ZC3H3: variants seen among roughly 807,000 people sequenced by gnomAD.
ZC3H3 encodes zinc finger CCCH-type containing 3, also known as zinc finger CCCH domain-containing protein 3.
Under a neutral mutation model 77.3 loss-of-function variants are expected in ZC3H3, and 36 were observed. The observed-to-expected ratio is 0.47, with a 90% confidence interval of 0.36 to 0.61. ZC3H3 has a LOEUF of 0.61. Among genes scored for constraint, ZC3H3 ranks in the 20% least tolerant of loss-of-function variants. ZC3H3 has a pLI of 0.00. For missense variants in ZC3H3, 1,331 were observed against 1,312.2 expected, an observed-to-expected ratio of 1.01 and a Z score of -0.22; for synonymous variants, 626 against 555.2, an observed-to-expected ratio of 1.13 and a Z score of -1.79.
chr8:143,450,741 A>G (rs537525775), intron 9 of ZC3H3, among the ~76,000 whole-genome samples: 1 of 152,284 alleles, frequency 6.6e-6, no homozygotes, highest in African/African-American at 2.4e-5. Context: ...ATAGCACTGG[A>G]GGATGGTGCT....
intron 4 of ZC3H3, among the ~76,000 whole-genome samples, chr8:143,491,831 G>A (rs968669381): frequency 6.6e-6 from 1 of 152,192 alleles, no homozygotes; most frequent in African/African-American, 2.4e-5. Flanking sequence ...GACTCCCTCA[G>A]TCCTGCAGGC....
chr8:143,439,789 C>T (rs1402465871), intron 11 of ZC3H3, among the ~76,000 whole-genome samples: 1 of 152,234 alleles, frequency 6.6e-6, no homozygotes, highest in African/African-American at 2.4e-5. Flanking sequence ...GCATTTAAAG[C>T]TCCCCTGTGC....
At chr8:143,477,661 TCA>T (rs1820774105) in intron 4 of ZC3H3, among the ~76,000 whole-genome samples, 1 of 152,128 alleles carries the variant, frequency 6.6e-6, no homozygotes, top group Non-Finnish European at 1.5e-5. Flanking sequence ...CCTGGGGGGC[TCA>T]GAGGCAGGTT....
rs754157880 is a variant in ZC3H3, at chr8:143,536,367, C to T, written c.1451G>A (p.Gly484Glu). 1.9e-6 allele frequency: 3 copies of T among 1,597,662 alleles called. No individual in the cohort carries two copies. The highest frequency in any genetic ancestry group is 1.3e-5 in the African/African-American group (1 of 74,702). Residue 484 changes from glycine to glutamate, a missense_variant, in exon 3 of 12, where the codon GGG becomes GAG. By Grantham distance (98) the Gly-to-Glu change is moderately conservative. This residue lies in a region of ZC3H3 where 978 missense variants were observed against 915.5 expected (regional missense o/e 1.07). Transcript: ENST00000262577. ...LSLRRRQALRGKSSPVLKKTP... is the reference protein window; with the variant it reads ...LSLRRRQALREKSSPVLKKTP... ...CTTCTTCAGGACAGGGCTGCTCTTC[C>T]CCCTGAGGGCCTGTCTCCGCCGGAG...
At chr8:143,451,287 A>G (rs369988379) in intron 9 of ZC3H3, among the ~76,000 whole-genome samples, 42 of 152,202 alleles carry the variant, frequency 2.8e-4, no homozygotes, top group African/African-American at 9.9e-4. Flanking sequence ...GCAAGCAACA[A>G]AGAACACTAG....
At chr8:143,452,849 T>C (rs184440721) in intron 9 of ZC3H3, among the ~76,000 whole-genome samples, 1 of 152,198 alleles carries the variant, frequency 6.6e-6, no homozygotes, top group African/African-American at 2.4e-5. Context: ...GACCTAACAT[T>C]CATGTAACTG....
chr8:143,468,130 G>A (rs2129876064), intron 8 of ZC3H3, 79 bp downstream of exon 8: 1 of 1,519,202 alleles, frequency 6.6e-7, no homozygotes, highest in East Asian at 2.3e-5. Flanking sequence ...AAAGCTGTGG[G>A]CACCATCTGC....
rs142508755 is a variant in ZC3H3, at chr8:143,440,157, G to T, written c.2699C>A (p.Ala900Glu). ...APSLQEAALA[A>E]ACSNRLCKLP... ...CTTGCAGAGCCTGTTGGAGCACGCT[G>T]CTGCTAAGGCAGCCTCCTGGAGAGA... Residue 900 changes from alanine (A) to glutamate (E), a missense_variant, in exon 11 of 12, where the codon GCA becomes GAA. This residue lies in a region of ZC3H3 where 249 missense variants were observed against 236.9 expected (regional missense o/e 1.05). Coordinates refer to ENST00000262577, the MANE Select transcript of ZC3H3 (RefSeq NM_015117.3). 6.2e-7 allele frequency: 1 copy of T among 1,611,952 alleles called. No individual in the cohort carries two copies. The highest frequency in any genetic ancestry group is 8.5e-7 in the Non-Finnish European group (1 of 1,179,746).
intron 4 of ZC3H3, among the ~76,000 whole-genome samples, chr8:143,483,309 T>C (rs1820958858): frequency 6.6e-6 from 1 of 152,140 alleles, no homozygotes; most frequent in Non-Finnish European, 1.5e-5. Flanking sequence ...CGTGTGCGCG[T>C]GTGGGGCTGG....
rs1436058278 is a variant in ZC3H3 at position 143,538,352 on chromosome 8, T to C, written c.1015A>G (p.Lys339Glu). 1.2e-6 allele frequency: 2 copies of C among 1,613,004 alleles called. No individual in the cohort carries two copies. Among genetic ancestry groups the C allele is most frequent in the East Asian group, 2.2e-5 (1 of 44,890 alleles). Residue 339 changes from lysine to glutamate, a missense_variant, in exon 2 of 12, where the codon AAG becomes GAG. Lys to Glu is a moderately conservative substitution (Grantham distance 56). This residue lies in a region of ZC3H3 where 978 missense variants were observed against 915.5 expected (regional missense o/e 1.07). Coordinates refer to ENST00000262577, the MANE Select transcript of ZC3H3 (RefSeq NM_015117.3). ...TTGTTTGCCATGCCAGCAGAGGCCT[T>C]GCACACATTCTCTGCAGCCACTCTG... is the stretch of plus-strand genomic sequence containing the variant. Reference protein sequence around the residue: ...SPRVAAENVCKASAGMANKVE... With the variant: ...SPRVAAENVCEASAGMANKVE...
At position 143,507,783 on chromosome 8, in the gene ZC3H3, G is replaced by A. The variant is rs1264212756; in HGVS notation, c.1678C>T (p.Leu560=). 4 of 1,600,674 alleles carry A rather than the reference G, an allele frequency of 2.5e-6. No homozygotes were observed. The East Asian group carries it at 9.0e-5, about 36-fold the overall frequency. Residue 560 remains leucine (L), a synonymous_variant, in exon 4 of 12, where the codon CTG becomes TTG. Transcript: ENST00000262577. ...PLSAPPFPLS[L]PSWRARRLSL... ...AGCCGCCGGGCCCGCCAGGAGGGCA[G>A]AGACAGGGGGAAGGGCGGGGCGCTG...
chr8:143,501,693 G>A (rs1317164654), intron 4 of ZC3H3, among the ~76,000 whole-genome samples: 1 of 151,948 alleles, frequency 6.6e-6, no homozygotes, highest in Non-Finnish European at 1.5e-5. Flanking sequence ...ACGGTCCTCT[G>A]ACTACAGGTG....
rs1399556738 is a variant in ZC3H3, at chr8:143,474,000, A to G, written c.1903+1398T>C. On this transcript the variant is annotated intron_variant, in intron 5 of 11. Transcript: ENST00000262577. ...GAGTCCGAGGATCAGAGGTAACCAG[A>G]GAAGGCCCTGCTGGGTGACAGGAAG... 2.6e-5 allele frequency among the ~76,000 whole-genome samples: 4 copies of G among 152,302 alleles called. No homozygotes were observed. The East Asian group carries it at 7.7e-4, about 29-fold the overall frequency.
intron 4 of ZC3H3, among the ~76,000 whole-genome samples, chr8:143,488,562 G>A (rs1563856135): frequency 6.7e-6 from 1 of 149,216 alleles, no homozygotes; most frequent in Non-Finnish European, 1.5e-5. Flanking sequence ...CCATCACCAC[G>A]AAGTTCAGGA....
intron 9 of ZC3H3, among the ~76,000 whole-genome samples, chr8:143,452,730 A>G (rs188100003): frequency 6.6e-6 from 1 of 152,362 alleles, no homozygotes; most frequent in Admixed American, 6.5e-5. Context: ...AATGGATGAG[A>G]CAGAGAACTG....
chr8:143,484,305 C>A (rs78263729), intron 4 of ZC3H3, among the ~76,000 whole-genome samples: 1 of 152,190 alleles, frequency 6.6e-6, no homozygotes, highest in Admixed American at 6.5e-5. Flanking sequence ...GGCGCCTCTG[C>A]AGCCTGGCTG....
intron 4 of ZC3H3, among the ~76,000 whole-genome samples, chr8:143,498,392 C>G (rs1158194743): frequency 6.6e-6 from 1 of 152,184 alleles, no homozygotes; most frequent in African/African-American, 2.4e-5. Flanking sequence ...CACTTGCACC[C>G]AGACCCCCTG....
rs148766659 is a variant in ZC3H3, at chr8:143,501,788, G to A, written c.1715+5958C>T. 3.7e-3 allele frequency among the ~76,000 whole-genome samples: 559 copies of A among 152,216 alleles called. 4 individuals carry two copies. The highest frequency in any genetic ancestry group is 0.013 in the African/African-American group (528 of 41,538). On this transcript the variant is annotated intron_variant, in intron 4 of 11. Coordinates refer to ENST00000262577, the MANE Select transcript of ZC3H3 (RefSeq NM_015117.3). Reference sequence around the variant, plus strand: ...ACTACAGGTGTGAGCCATCATGCCCGGCCCCGGGGCGCGGGTGTTACGTTA... The same window carrying A: ...ACTACAGGTGTGAGCCATCATGCCCAGCCCCGGGGCGCGGGTGTTACGTTA...
chr8:143,536,216 A>G, intron 3 of ZC3H3, 41 bp downstream of exon 3: 10 of 1,581,892 alleles, frequency 6.3e-6, no homozygotes, highest in Non-Finnish European at 8.6e-6. Context: ...CCCATCAGGC[A>G]GGCCCAGCCC....
Sources: allele counts gnomAD v4.1 joint callset (sites outside exome capture counted in the v4.1 genomes callset), GRCh38; gene constraint gnomAD v4.1.1; regional missense constraint gnomAD v4.1.1; transcripts MANE v1.5; gene names NCBI Gene and HGNC (gene_info 2026-07-23, HGNC 2026-07-21).